The following SYNDIG1L variants were observed in gnomAD, a reference collection of about 807,000 sequenced individuals.
SYNDIG1L encodes synapse differentiation-inducing gene protein 1-like.
Under a neutral mutation model 20.1 loss-of-function variants are expected in SYNDIG1L, and 13 were observed. That is an observed-to-expected ratio of 0.65 (90% CI 0.42 to 1.03). SYNDIG1L has a LOEUF of 1.03. Ranked by LOEUF, SYNDIG1L falls within the 50% of genes least tolerant of loss-of-function variation. The probability of loss-of-function intolerance (pLI) is 0.00; values close to 1 mark genes in which losing one functional copy is unlikely to be tolerated. For missense variants in SYNDIG1L, 294 were observed against 305.1 expected (o/e 0.96, Z 0.27); for synonymous variants, 128 against 129.3 (o/e 0.99, Z 0.07).
chr14:74,457,264 T>C, the SYNDIG1L span, among the ~76,000 whole-genome samples: 43 of 152,144 alleles, frequency 2.8e-4, no homozygotes, highest in African/African-American at 1.0e-3. Flanking sequence ...TGGTCCTTGC[T>C]CCCAGGCCTC....
the SYNDIG1L span, among the ~76,000 whole-genome samples, chr14:74,461,055 C>G: frequency 6.6e-6 from 1 of 152,052 alleles, no homozygotes; most frequent in South Asian, 2.1e-4. Flanking sequence ...CAATTATTTG[C>G]TTTTTCTGCA....
rs1337315982 is a variant in SYNDIG1L, at chr14:74,425,968, C to A, written c.-114G>T. The stretch of plus-strand genomic sequence containing the variant: ...GCGGGGCTCGGGGGCTCGGCATGGG[C>A]CGGTGAGCGACGGCGCCCCCGCCTC... On this transcript the variant is annotated 5_prime_UTR_variant, in exon 1 of 4. Coordinates refer to ENST00000331628, the MANE Select transcript of SYNDIG1L (RefSeq NM_001105579.2). 2 of 152,502 alleles carry A rather than the reference C, an allele frequency of 1.3e-5. No individual in the cohort carries two copies. The highest frequency in any genetic ancestry group is 3.8e-4 in the South Asian group (2 of 5,320). The allele number at this position is 152,502 out of a possible 1,614,324, so 9.4% of individuals were successfully genotyped here.
At chr14:74,426,689 G>A (rs2086269297), upstream of SYNDIG1L, among the ~76,000 whole-genome samples, 1 of 151,822 alleles carries the variant, frequency 6.6e-6, no homozygotes, top group African/African-American at 2.4e-5. Flanking sequence ...AGGCAATATA[G>A]TGCCCCTCTT....
the SYNDIG1L span, among the ~76,000 whole-genome samples, chr14:74,435,078 G>A: frequency 2.6e-4 from 19 of 71,962 alleles, no homozygotes; most frequent in African/African-American, 3.6e-4. Flanking sequence ...GTGAGACTCC[G>A]TCTCAAAAAA....
At chr14:74,428,293 G>A (rs562942568), upstream of SYNDIG1L, among the ~76,000 whole-genome samples, 287 of 152,334 alleles carry the variant, frequency 1.9e-3, no homozygotes, top group Non-Finnish European at 3.5e-3. Context: ...ATTTCTTCCC[G>A]GGAAACTAAC....
In SYNDIG1L at chr14:74,409,321, C is replaced by A; in HGVS notation, c.417+7G>T. 1 of 1,515,374 alleles carries A rather than the reference C, an allele frequency of 6.6e-7. No homozygotes were observed. Among genetic ancestry groups the A allele is most frequent in the Non-Finnish European group, 8.9e-7 (1 of 1,127,746 alleles). The allele number at this position is 1,515,374 out of a possible 1,614,324, so 93.9% of individuals were successfully genotyped here. A position where few individuals can be genotyped will look rare whatever the true frequency, so the allele number is the denominator to read the frequency against. On this transcript the variant is annotated splice_region_variant and intron_variant, in intron 2 of 3. Transcript: ENST00000331628. Reference sequence around the variant, plus strand: ...CTGGAATCTGCATTTTAACCTCATGCACTCACCTCCTCTTCCTCCTGGTCA... The same window carrying A: ...CTGGAATCTGCATTTTAACCTCATGAACTCACCTCCTCTTCCTCCTGGTCA...
At chr14:74,415,118 C>T (rs1335046823) in intron 1 of SYNDIG1L, among the ~76,000 whole-genome samples, 1 of 152,104 alleles carries the variant, frequency 6.6e-6, no homozygotes, top group Admixed American at 6.5e-5. Flanking sequence ...CCAATAAATA[C>T]CCTGGTTTTC....
At chr14:74,470,630 T>C in the SYNDIG1L span, among the ~76,000 whole-genome samples, 1 of 152,152 alleles carries the variant, frequency 6.6e-6, no homozygotes, top group South Asian at 2.1e-4. Flanking sequence ...AGAGATTATG[T>C]TGGGGGAGTT....
At chr14:74,451,984 T>TAAAAAAAAA in the SYNDIG1L span, among the ~76,000 whole-genome samples, 1 of 65,248 alleles carries the variant, frequency 1.5e-5, no homozygotes, top group Non-Finnish European at 2.7e-5. Context: ...AGACTTTGTC[T>TAAAAAAAAA]AAAAAAAAAA....
chr14:74,457,327 CCTT>C, the SYNDIG1L span, among the ~76,000 whole-genome samples: 1 of 152,106 alleles, frequency 6.6e-6, no homozygotes, highest in Non-Finnish European at 1.5e-5. Flanking sequence ...GGGCTGAGCT[CCTT>C]CTCCCCTAGC....
chr14:74,474,043 G>A, the SYNDIG1L span: 5 of 152,168 alleles, frequency 3.3e-5, no homozygotes, highest in African/African-American at 1.2e-4. Flanking sequence ...ATCTAAGTAG[G>A]AAAATCCAAC....
the SYNDIG1L span, chr14:74,476,220 T>C: frequency 1.7e-6 from 1 of 584,218 alleles, no homozygotes; most frequent in East Asian, 2.9e-5. Flanking sequence ...AATGCATTTC[T>C]CCAGCGCTGA....
At chr14:74,459,496 C>G in the SYNDIG1L span, among the ~76,000 whole-genome samples, 1 of 152,138 alleles carries the variant, frequency 6.6e-6, no homozygotes, top group African/African-American at 2.4e-5. Context: ...AGTGTGAGAT[C>G]GTGTCTCAAA....
At chr14:74,476,398 T>C in the SYNDIG1L span, 1 of 823,138 alleles carries the variant, frequency 1.2e-6, no homozygotes, top group East Asian at 2.6e-5. Context: ...GCTGCTTATC[T>C]GGGACATATG....
Position 74,420,438 on chromosome 14 carries a change from C to T in SYNDIG1L, c.-58+5474G>A, listed in dbSNP as rs900212214. ...GGCAGGAGAGGATGAGGACCTGAAACTGATCTGTGGCAGAATTGAAAAGGA... is the reference window on the plus strand; with the variant it reads ...GGCAGGAGAGGATGAGGACCTGAAATTGATCTGTGGCAGAATTGAAAAGGA... On this transcript the variant is annotated intron_variant, in intron 1 of 3. Transcript: ENST00000331628. Among the ~76,000 whole-genome samples the T allele has an allele frequency of 6.1e-5, 9 of 146,792 alleles. 1 individual carries two copies. The highest frequency in any genetic ancestry group is 8.9e-5 in the Non-Finnish European group (6 of 67,136).
the SYNDIG1L span, among the ~76,000 whole-genome samples, chr14:74,456,969 G>A: frequency 6.6e-6 from 1 of 152,178 alleles, no homozygotes; most frequent in Non-Finnish European, 1.5e-5. Flanking sequence ...GGCCCTGAGA[G>A]AGATGCTATC....
chr14:74,428,111 AC>A (rs1233123860), upstream of SYNDIG1L, among the ~76,000 whole-genome samples: 1 of 152,220 alleles, frequency 6.6e-6, no homozygotes, highest in East Asian at 1.9e-4. Flanking sequence ...GTGCCAGGAG[AC>A]CCAGGTTCTA....
chr14:74,420,303 G>A (rs2086211247), intron 1 of SYNDIG1L, among the ~76,000 whole-genome samples: 1 of 151,356 alleles, frequency 6.6e-6, no homozygotes, highest in Non-Finnish European at 1.5e-5. Flanking sequence ...GGCTGAGGCA[G>A]GAGAATCACT....
chr14:74,417,405 A>T (rs1296196301), intron 1 of SYNDIG1L, among the ~76,000 whole-genome samples: 2 of 152,230 alleles, frequency 1.3e-5, no homozygotes, highest in Non-Finnish European at 2.9e-5. Flanking sequence ...TGTTAAAGAG[A>T]GGCCAAAAGG....
Sources: allele counts gnomAD v4.1 joint callset (sites outside exome capture counted in the v4.1 genomes callset), GRCh38; gene constraint gnomAD v4.1.1; transcripts MANE v1.5; gene names NCBI Gene and HGNC (gene_info 2026-07-23, HGNC 2026-07-21).